ADAMTS12: variants seen among roughly 807,000 people sequenced by gnomAD.
The protein encoded by ADAMTS12 is ADAM metallopeptidase with thrombospondin type 1 motif 12.
Under a neutral mutation model 167.8 loss-of-function variants are expected in ADAMTS12, and 118 were observed. That is an observed-to-expected ratio of 0.70 (90% CI 0.61 to 0.82). The LOEUF is 0.82. ADAMTS12 is among the 40% of genes least tolerant of loss of function. The probability of loss-of-function intolerance (pLI) is 0.00; values close to 1 mark genes in which losing one functional copy is unlikely to be tolerated. For synonymous variants in ADAMTS12, 704 were observed against 716.9 expected, an observed-to-expected ratio of 0.98 and a Z score of 0.29; for missense variants, 1,916 against 1,998.8, an observed-to-expected ratio of 0.96 and a Z score of 0.79.
At chr5:33,643,810 T>C (rs1740561433) in intron 9 of ADAMTS12, among the ~76,000 whole-genome samples, 1 of 152,174 alleles carries the variant, frequency 6.6e-6, no homozygotes, top group Non-Finnish European at 1.5e-5. Flanking sequence ...CTATGAAAGG[T>C]AAATCTAAAC....
At chr5:33,665,401 CA>C (rs1741430154) in intron 5 of ADAMTS12, among the ~76,000 whole-genome samples, 1 of 152,028 alleles carries the variant, frequency 6.6e-6, no homozygotes, top group African/African-American at 2.4e-5. Context: ...AGTCTCATTA[CA>C]AAAAAGAAAG....
At chr5:33,660,439 G>A (rs1369517060) in intron 6 of ADAMTS12, among the ~76,000 whole-genome samples, 3 of 152,184 alleles carry the variant, frequency 2.0e-5, no homozygotes, top group East Asian at 3.8e-4. Context: ...AACAATGGCT[G>A]TTCTAATAGA....
At chr5:33,734,898 G>A (rs1744317903) in intron 3 of ADAMTS12, among the ~76,000 whole-genome samples, 1 of 152,174 alleles carries the variant, frequency 6.6e-6, no homozygotes, top group South Asian at 2.1e-4. Flanking sequence ...CAAATTTCTA[G>A]ACCAGCACTT....
intron 2 of ADAMTS12, among the ~76,000 whole-genome samples, chr5:33,812,636 T>C (rs1034062869): frequency 8.5e-5 from 13 of 152,362 alleles, no homozygotes; most frequent in Admixed American, 5.9e-4. Context: ...TCAACTCTTG[T>C]GTTTGACTTT....
intron 3 of ADAMTS12, among the ~76,000 whole-genome samples, chr5:33,692,849 T>C (rs1742599559): frequency 6.6e-6 from 1 of 152,258 alleles, no homozygotes; most frequent in Admixed American, 6.5e-5. Context: ...AGAAGTCATA[T>C]ATTTACTCTT....
intron 9 of ADAMTS12, 55 bp downstream of exon 9, chr5:33,648,767 T>C: frequency 1.2e-6 from 2 of 1,604,350 alleles, no homozygotes; most frequent in East Asian, 4.5e-5. Flanking sequence ...TGGCCCTTCC[T>C]TCAGCATGCT....
chr5:33,617,052 C>A (rs1483036892), intron 14 of ADAMTS12, among the ~76,000 whole-genome samples: 1 of 152,164 alleles, frequency 6.6e-6, no homozygotes, highest in East Asian at 1.9e-4. Flanking sequence ...GCATTCTAGT[C>A]TCTGCGTTTC....
At chr5:33,714,529 C>T (rs1214470610) in intron 3 of ADAMTS12, among the ~76,000 whole-genome samples, 1 of 151,924 alleles carries the variant, frequency 6.6e-6, no homozygotes, top group Admixed American at 6.6e-5. Flanking sequence ...TTCATAAGAG[C>T]CAAGATATGG....
chr5:33,534,194 T>C (rs929097199), intron 23 of ADAMTS12, among the ~76,000 whole-genome samples: 1 of 152,146 alleles, frequency 6.6e-6, no homozygotes, highest in Non-Finnish European at 1.5e-5. Context: ...GGAGTGTGAA[T>C]GTACCACTTA....
intron 2 of ADAMTS12, among the ~76,000 whole-genome samples, chr5:33,752,663 G>A (rs1413108351): frequency 6.6e-6 from 1 of 152,188 alleles, no homozygotes; most frequent in Non-Finnish European, 1.5e-5. Context: ...AGTCAATACA[G>A]CAGTTCAGTA....
Position 33,596,074 on chromosome 5 carries a change from AG to A in ADAMTS12, c.2528-15del, listed in dbSNP as rs1737848787. 1 of 1,613,540 alleles carries A rather than the reference AG, an allele frequency of 6.2e-7. No homozygotes were observed. Among genetic ancestry groups the A allele is most frequent in the African/African-American group, 1.3e-5 (1 of 74,932 alleles). ...GGCGGCGGATACCTGGGGGTCAGAC[AG>A]AAAGATTCACACATATTGAATCCTG... On this transcript the variant is annotated splice_polypyrimidine_tract_variant and intron_variant, in intron 16 of 23. Coordinates refer to ENST00000504830, the MANE Select transcript of ADAMTS12 (RefSeq NM_030955.4).
rs190361778 is a variant in ADAMTS12, at chr5:33,777,133, C to T, written c.490-25585G>A. Among the ~76,000 whole-genome samples, 6 of 152,150 alleles carry T rather than the reference C, an allele frequency of 3.9e-5. No homozygotes were observed. The East Asian group carries it at 7.7e-4, about 20-fold the overall frequency. Reference sequence around the variant, plus strand: ...TAACACCAATCCTTCCCAAACTCTTCGAAAATATTGAAGAGGTAGAATGAC... The same window carrying T: ...TAACACCAATCCTTCCCAAACTCTTTGAAAATATTGAAGAGGTAGAATGAC... On this transcript the variant is annotated intron_variant, in intron 2 of 23. Coordinates refer to ENST00000504830, the MANE Select transcript of ADAMTS12 (RefSeq NM_030955.4).
chr5:33,668,944 T>C (rs1741573655), intron 5 of ADAMTS12, among the ~76,000 whole-genome samples: 2 of 152,192 alleles, frequency 1.3e-5, no homozygotes, highest in African/African-American at 2.4e-5. Flanking sequence ...ATTTCTTTGT[T>C]TTTTTGGGAG....
intron 18 of ADAMTS12, among the ~76,000 whole-genome samples, chr5:33,579,732 C>A (rs975771652): frequency 6.6e-6 from 1 of 152,222 alleles, no homozygotes; most frequent in Admixed American, 6.5e-5. Context: ...CAGCACCTAC[C>A]TTTGCAGGCT....
At chr5:33,540,804 A>G (rs1185143685) in intron 22 of ADAMTS12, among the ~76,000 whole-genome samples, 2 of 152,238 alleles carry the variant, frequency 1.3e-5, no homozygotes, top group Non-Finnish European at 2.9e-5. Context: ...CAAAAAGGAC[A>G]TCTACACCAA....
intron 2 of ADAMTS12, among the ~76,000 whole-genome samples, chr5:33,865,496 C>T (rs187805135): frequency 1.3e-5 from 2 of 152,146 alleles, no homozygotes; most frequent in East Asian, 3.9e-4. Context: ...ATATGACAAA[C>T]CCACAGTCAA....
chr5:33,814,641 G>A (rs1011654651), intron 2 of ADAMTS12, among the ~76,000 whole-genome samples: 1 of 151,752 alleles, frequency 6.6e-6, no homozygotes, highest in Non-Finnish European at 1.5e-5. Flanking sequence ...ATGAGTAGAG[G>A]GGAAGCCCAG....
rs548388536 is a variant in ADAMTS12, at chr5:33,828,617, C to T, written c.489+52502G>A. Among the ~76,000 whole-genome samples, 11 of 152,292 alleles carry T rather than the reference C, an allele frequency of 7.2e-5. No homozygotes were observed. In the East Asian group the frequency reaches 9.6e-4, roughly 13 times the overall value. On this transcript the variant is annotated intron_variant, in intron 2 of 23. Transcript: ENST00000504830. ...GTTGGCTTCACACTTTTACCTTTCACGTTTCAGTCCTTAATCCACCTAGGG... is the reference window on the plus strand; with the variant it reads ...GTTGGCTTCACACTTTTACCTTTCATGTTTCAGTCCTTAATCCACCTAGGG...
chr5:33,614,776 A>AGT (rs907159747), intron 15 of ADAMTS12, among the ~76,000 whole-genome samples: 2 of 152,216 alleles, frequency 1.3e-5, no homozygotes, highest in Non-Finnish European at 2.9e-5. Context: ...AATATAGGTA[A>AGT]GTGCCACAGT....
Sources: allele counts gnomAD v4.1 joint callset (sites outside exome capture counted in the v4.1 genomes callset), GRCh38; gene constraint gnomAD v4.1.1; transcripts MANE v1.5; gene names NCBI Gene and HGNC (gene_info 2026-07-23, HGNC 2026-07-21).